The following PTPRT variants were observed in gnomAD, a reference collection of about 807,000 sequenced individuals.
PTPRT encodes the protein receptor-type tyrosine-protein phosphatase T.
A neutral mutation model predicts 176.8 loss-of-function variants in PTPRT; 56 were observed. The observed-to-expected ratio is 0.32, with a 90% CI of 0.26 to 0.40. PTPRT has a LOEUF of 0.40. Ranked by LOEUF, PTPRT falls within the 10% of genes least tolerant of loss-of-function variation. The pLI is 1.00. For missense variants in PTPRT, 1,540 were observed against 1,908.2 expected (o/e 0.81, Z 3.60); for synonymous variants, 783 against 739.0 (o/e 1.06, Z -0.96).
chr20:42,842,695 C>T (rs1414888885), intron 2 of PTPRT, among the ~76,000 whole-genome samples: 1 of 152,170 alleles, frequency 6.6e-6, no homozygotes, highest in Non-Finnish European at 1.5e-5. Flanking sequence ...GCTGGTATTA[C>T]AGGCATGAGC....
chr20:42,522,857 G>C (rs1178444538), intron 7 of PTPRT, among the ~76,000 whole-genome samples: 2 of 152,044 alleles, frequency 1.3e-5, no homozygotes, highest in African/African-American at 4.8e-5. Context: ...ATTTAGAAGA[G>C]AATATAGTCC....
chr20:42,511,034 G>A (rs1329187960), intron 7 of PTPRT, among the ~76,000 whole-genome samples: 2 of 152,028 alleles, frequency 1.3e-5, no homozygotes, highest in African/African-American at 2.4e-5. Context: ...CATGGGAAGG[G>A]AACTGATGAC....
intron 9 of PTPRT, among the ~76,000 whole-genome samples, chr20:42,402,796 G>A (rs1364717802): frequency 6.6e-6 from 1 of 151,414 alleles, no homozygotes; most frequent in South Asian, 2.1e-4. Context: ...TCTCTCAGGG[G>A]GACTGTGGTT....
chr20:42,514,998 C>T (rs1282496807), intron 7 of PTPRT, among the ~76,000 whole-genome samples: 1 of 152,158 alleles, frequency 6.6e-6, no homozygotes, highest in African/African-American at 2.4e-5. Context: ...TGGATATCCT[C>T]TTCTGTAAAA....
At chr20:42,220,739 A>G (rs544108556) in intron 15 of PTPRT, among the ~76,000 whole-genome samples, 2 of 152,342 alleles carry the variant, frequency 1.3e-5, no homozygotes, top group South Asian at 2.1e-4. Flanking sequence ...TCTCCAAGGT[A>G]CAACCCTTTT....
At chr20:42,348,396 T>TTATTTATTTATA (rs2058227712) in intron 11 of PTPRT, among the ~76,000 whole-genome samples, 1 of 151,716 alleles carries the variant, frequency 6.6e-6, no homozygotes, top group Admixed American at 6.6e-5. Context: ...ATTTATTTAT[T>TTATTTATTTATA]TATTTATTTT....
intron 7 of PTPRT, among the ~76,000 whole-genome samples, chr20:42,512,962 G>C (rs1317720328): frequency 6.6e-6 from 1 of 151,876 alleles, no homozygotes; most frequent in East Asian, 1.9e-4. Flanking sequence ...TGGGTTCAAG[G>C]GATTCTCCTG....
Position 42,494,030 on chromosome 20 carries a change from C to T in PTPRT, c.1154-21468G>A, listed in dbSNP as rs367877643. Among the ~76,000 whole-genome samples the T allele has an allele frequency of 3.1e-3, 469 of 152,228 alleles. 22 individuals carry two copies. The South Asian group carries it at 0.092, about 30-fold the overall frequency. On this transcript the variant is annotated intron_variant, in intron 7 of 30. Coordinates refer to ENST00000373187, the MANE Select transcript of PTPRT (RefSeq NM_007050.6). Reference sequence around the variant, plus strand: ...AAAATGGACTGATAAGCCCATACAACTTATAGTATATTTTAAATATGAAGA... The same window carrying T: ...AAAATGGACTGATAAGCCCATACAATTTATAGTATATTTTAAATATGAAGA...
intron 16 of PTPRT, among the ~76,000 whole-genome samples, chr20:42,192,435 T>G (rs957960620): frequency 6.6e-6 from 1 of 152,232 alleles, no homozygotes; most frequent in Non-Finnish European, 1.5e-5. Context: ...CTGCCTCATC[T>G]CTACTGAACC....
At chr20:42,131,590 T>A (rs1185376874) in intron 18 of PTPRT, among the ~76,000 whole-genome samples, 2 of 152,240 alleles carry the variant, frequency 1.3e-5, no homozygotes, top group Non-Finnish European at 2.9e-5. Context: ...AAGTGATCTC[T>A]AGCCACCAGA....
the PTPRT span, among the ~76,000 whole-genome samples, chr20:42,034,928 T>C: frequency 6.6e-6 from 1 of 152,158 alleles, no homozygotes; most frequent in Non-Finnish European, 1.5e-5. Context: ...TGCAGAATCC[T>C]AGCCCAGTCA....
chr20:43,156,047 C>A (rs114313113), intron 1 of PTPRT, among the ~76,000 whole-genome samples: 2 of 152,180 alleles, frequency 1.3e-5, no homozygotes, highest in South Asian at 4.1e-4. Flanking sequence ...ACACTATTCA[C>A]GACACCTCCA....
intron 1 of PTPRT, among the ~76,000 whole-genome samples, chr20:42,954,033 C>T: frequency 6.6e-6 from 1 of 152,090 alleles, no homozygotes; most frequent in East Asian, 1.9e-4. Flanking sequence ...GGAGATGTCA[C>T]AGGGGGAGGA....
intron 15 of PTPRT, among the ~76,000 whole-genome samples, chr20:42,235,965 TAC>T (rs1216548457): frequency 6.6e-6 from 1 of 152,162 alleles, no homozygotes; most frequent in African/African-American, 2.4e-5. Flanking sequence ...ACTAGAAAAT[TAC>T]ACTCACAAAG....
At chr20:42,654,924 C>A (rs1294010424) in intron 7 of PTPRT, among the ~76,000 whole-genome samples, 2 of 152,210 alleles carry the variant, frequency 1.3e-5, no homozygotes, top group Non-Finnish European at 2.9e-5. Context: ...TAGATTATAT[C>A]TTATTGCATT....
At chr20:42,277,879 T>C (rs574693425) in intron 13 of PTPRT, among the ~76,000 whole-genome samples, 4 of 131,324 alleles carry the variant, frequency 3.0e-5, no homozygotes, top group Admixed American at 7.8e-5. Flanking sequence ...CTGTTAGTCA[T>C]CCACTCATCC....
chr20:42,554,420 T>C (rs1446944460), intron 7 of PTPRT, among the ~76,000 whole-genome samples: 3 of 152,136 alleles, frequency 2.0e-5, no homozygotes, highest in African/African-American at 7.2e-5. Flanking sequence ...CTTTGCACAA[T>C]GTCATTGACA....
chr20:42,223,239 C>T (rs543232026), intron 15 of PTPRT, among the ~76,000 whole-genome samples: 4 of 152,272 alleles, frequency 2.6e-5, no homozygotes, highest in Non-Finnish European at 4.4e-5. Flanking sequence ...ACCTACTACG[C>T]GCCAGATATA....
chr20:42,527,026 C>A (rs924322938), intron 7 of PTPRT, among the ~76,000 whole-genome samples: 1 of 139,808 alleles, frequency 7.2e-6, no homozygotes, highest in East Asian at 2.2e-4. Context: ...TGCAGTGGCA[C>A]GATCTCAGCT....
Sources: gnomAD v4.1 joint callset for allele counts (sites outside exome capture counted in the v4.1 genomes callset) on GRCh38, gnomAD v4.1.1 for gene constraint, MANE v1.5 for transcripts, NCBI Gene and HGNC (gene_info 2026-07-23, HGNC 2026-07-21) for gene names.